Variants in TPO observed in about 807,000 individuals in gnomAD.
TPO encodes thyroid microsomal antigen.
A neutral mutation model predicts 96.9 loss-of-function variants in TPO; 78 were observed. The observed-to-expected ratio is 0.81, with a 90% CI of 0.67 to 0.97. The LOEUF is 0.97. Among genes scored for constraint, TPO ranks in the 50% least tolerant of loss-of-function variants. The pLI is 0.00. For missense variants in TPO, 1,252 were observed against 1,274.8 expected, an observed-to-expected ratio of 0.98 and a Z score of 0.27; for synonymous variants, 547 against 538.0, an observed-to-expected ratio of 1.02 and a Z score of -0.23.
upstream of TPO, among the ~76,000 whole-genome samples, chr2:1,412,833 C>T (rs1318119671): frequency 6.6e-6 from 1 of 151,944 alleles, no homozygotes; most frequent in Non-Finnish European, 1.5e-5. Context: ...GAAAACATGT[C>T]ATCTCCCAGT....
At chr2:1,437,864 G>C (rs572447125) in intron 5 of TPO, among the ~76,000 whole-genome samples, 3 of 152,180 alleles carry the variant, frequency 2.0e-5, no homozygotes, top group Non-Finnish European at 4.4e-5. Flanking sequence ...TCCCGTGGAA[G>C]TGGGCTCAGA....
At chr2:1,393,969 GTT>G (rs1423456211) in intron 1 of TPO, among the ~76,000 whole-genome samples, 3 of 152,196 alleles carry the variant, frequency 2.0e-5, no homozygotes, top group African/African-American at 7.2e-5. Flanking sequence ...ATTCGTTGAT[GTT>G]TATGTGTCAA....
chr2:1,435,351 T>A (rs1217729068), intron 4 of TPO, among the ~76,000 whole-genome samples: 1 of 152,234 alleles, frequency 6.6e-6, no homozygotes, highest in East Asian at 1.9e-4. Flanking sequence ...ACTAACTGAA[T>A]GCACACTGCA....
At chr2:1,501,533 C>G (rs1160162728) in intron 13 of TPO, among the ~76,000 whole-genome samples, 1 of 152,200 alleles carries the variant, frequency 6.6e-6, no homozygotes, top group African/African-American at 2.4e-5. Flanking sequence ...AACTGTGCCC[C>G]CAAAAAGCTA....
At chr2:1,482,525 G>A (rs548265615) in intron 8 of TPO, among the ~76,000 whole-genome samples, 1 of 152,182 alleles carries the variant, frequency 6.6e-6, no homozygotes, top group African/African-American at 2.4e-5. Flanking sequence ...ACCTGACAGC[G>A]ACGATGCCCC....
intron 7 of TPO, among the ~76,000 whole-genome samples, chr2:1,465,438 T>C (rs1668812855): frequency 6.6e-6 from 1 of 152,132 alleles, no homozygotes; most frequent in South Asian, 2.1e-4. Context: ...TGATGAAGAA[T>C]GATGGTGGTA....
At chr2:1,511,148 A>AT (rs1314446364) in intron 14 of TPO, among the ~76,000 whole-genome samples, 2 of 139,650 alleles carry the variant, frequency 1.4e-5, no homozygotes, top group East Asian at 4.4e-4. Flanking sequence ...AACTGTATTC[A>AT]TTTCCTGGGG....
chr2:1,460,561 C>A (rs1668332713), intron 7 of TPO, among the ~76,000 whole-genome samples: 1 of 152,146 alleles, frequency 6.6e-6, no homozygotes, highest in Non-Finnish European at 1.5e-5. Flanking sequence ...TTATTAGCTG[C>A]ATGTATATAG....
intron 8 of TPO, chr2:1,478,026 A>G: frequency 1.0e-6 from 1 of 985,388 alleles, no homozygotes; most frequent in Non-Finnish European, 1.2e-6. Flanking sequence ...AATTCCCAGA[A>G]CAACCCTTGG....
At chr2:1,489,724 C>A (rs1056609874) in intron 10 of TPO, among the ~76,000 whole-genome samples, 2 of 152,170 alleles carry the variant, frequency 1.3e-5, no homozygotes, top group Non-Finnish European at 2.9e-5. Flanking sequence ...AAGGGCCTAG[C>A]GGGAAGGGAA....
At chr2:1,502,390 ACTT>A (rs1033376587) in intron 13 of TPO, among the ~76,000 whole-genome samples, 1 of 151,866 alleles carries the variant, frequency 6.6e-6, no homozygotes, top group Non-Finnish European at 1.5e-5. Context: ...CTTTTCTTAT[ACTT>A]CTTTTTATTT....
chr2:1,451,696 A>T (rs1558302029), intron 5 of TPO, among the ~76,000 whole-genome samples: 1 of 152,190 alleles, frequency 6.6e-6, no homozygotes, highest in African/African-American at 2.4e-5. Context: ...CACGGGCGTG[A>T]CTGACAGATA....
intron 7 of TPO, among the ~76,000 whole-genome samples, chr2:1,467,765 G>C (rs373840467): frequency 6.6e-6 from 1 of 151,538 alleles, no homozygotes; most frequent in Non-Finnish European, 1.5e-5. Context: ...TTGATGACCT[G>C]TCTAGTGCTG....
At chr2:1,445,984 G>A (rs1666770105) in intron 5 of TPO, among the ~76,000 whole-genome samples, 1 of 152,228 alleles carries the variant, frequency 6.6e-6, no homozygotes. Flanking sequence ...AAGTGGCACA[G>A]TGGATAGAAT....
chr2:1,456,939 C>T (rs71440656), intron 7 of TPO, among the ~76,000 whole-genome samples: 12 of 8,330 alleles, frequency 1.4e-3, no homozygotes, highest in East Asian at 5.3e-3. Context: ...ATGTAGCATG[C>T]ATGATAGTGT....
At position 1,415,176 on chromosome 2, in the gene TPO, C is replaced by T. The variant is rs570137373; in HGVS notation, c.94+674C>T. 2.1e-4 allele frequency among the ~76,000 whole-genome samples: 30 copies of T among 145,790 alleles called. No homozygotes were observed. In the South Asian group the frequency reaches 4.0e-3, roughly 20 times the overall value. The stretch of plus-strand genomic sequence containing the variant: ...AGGGCCCCTGGAGCAGGTGACACCT[C>T]GCCGGGCAGGTCCCTGGGCCTCTGC... On this transcript the variant is annotated intron_variant, in intron 2 of 16. Coordinates refer to ENST00000329066, the MANE Select transcript of TPO (RefSeq NM_001206744.2).
intron 5 of TPO, among the ~76,000 whole-genome samples, chr2:1,441,841 C>T (rs1006785613): frequency 2.0e-5 from 3 of 152,164 alleles, no homozygotes; most frequent in Non-Finnish European, 4.4e-5. Context: ...AGAGATAAGA[C>T]AAATTCTATT....
rs1173922703 is a variant in TPO, at chr2:1,477,501, G to A, written c.1235G>A (p.Arg412His). ...SLTALHTLWL[R>H]EHNRLAAALK... The stretch of plus-strand genomic sequence containing the variant: ...ACGGCACTGCACACGCTGTGGCTGC[G>A]CGAGCACAACCGCCTGGCCGCGGCG... The change falls in exon 8 of 17, where the codon CGC becomes CAC. Residue 412 changes from arginine (R) to histidine (H), a missense_variant. Transcript: ENST00000329066. 2.6e-6 allele frequency: 4 copies of A among 1,531,570 alleles called. No homozygotes were observed. Among genetic ancestry groups the A allele is most frequent in the African/African-American group, 1.4e-5 (1 of 71,980 alleles). 94.9% of individuals were successfully genotyped at this position (1,531,570 alleles called of 1,614,324 possible). A position where few individuals can be genotyped will look rare whatever the true frequency, so the allele number is the denominator to read the frequency against.
chr2:1,540,236 AG>A (rs1680576175), intron 15 of TPO, among the ~76,000 whole-genome samples: 1 of 152,090 alleles, frequency 6.6e-6, no homozygotes, highest in Admixed American at 6.5e-5. Context: ...ACCCAGGAAA[AG>A]CCTAACGTTG....
Sources: gnomAD v4.1 joint callset for allele counts (sites outside exome capture counted in the v4.1 genomes callset) on GRCh38, gnomAD v4.1.1 for gene constraint, MANE v1.5 for transcripts, NCBI Gene and HGNC (gene_info 2026-07-23, HGNC 2026-07-21) for gene names.